SLC9A9: variants seen among roughly 807,000 people sequenced by gnomAD.
The protein encoded by SLC9A9 is sodium/hydrogen exchanger 9.
SLC9A9 carries 62 observed loss-of-function variants against 77.8 expected under a neutral mutation model. The ratio of observed to expected loss-of-function variants is 0.80; its 90% CI spans 0.65 to 0.98. SLC9A9 has a LOEUF of 0.98. Ranked by LOEUF, SLC9A9 falls within the 50% of genes least tolerant of loss-of-function variation. SLC9A9 has a pLI of 0.00. For synonymous variants in SLC9A9, 320 were observed against 283.5 expected (o/e 1.13, Z -1.29); for missense variants, 775 against 774.9 (o/e 1.00, Z 0.00).
At chr3:143,845,816 A>G (rs906966207) in intron 1 of SLC9A9, among the ~76,000 whole-genome samples, 1 of 152,224 alleles carries the variant, frequency 6.6e-6, no homozygotes, top group Non-Finnish European at 1.5e-5. Context: ...AAGAGAATAC[A>G]TATATATGCA....
chr3:143,660,230 T>G (rs534449839), intron 5 of SLC9A9, among the ~76,000 whole-genome samples: 2 of 152,226 alleles, frequency 1.3e-5, no homozygotes, highest in African/African-American at 4.8e-5. Flanking sequence ...GCAGAAAAAT[T>G]TATTAGGCTA....
At chr3:143,674,822 G>A (rs1253424365) in intron 5 of SLC9A9, among the ~76,000 whole-genome samples, 1 of 152,146 alleles carries the variant, frequency 6.6e-6, no homozygotes, top group Non-Finnish European at 1.5e-5. Flanking sequence ...TTCTACCAGT[G>A]CAATAAATGA....
At chr3:143,683,574 T>C (rs1933169544) in intron 5 of SLC9A9, among the ~76,000 whole-genome samples, 1 of 152,118 alleles carries the variant, frequency 6.6e-6, no homozygotes, top group Non-Finnish European at 1.5e-5. Context: ...GGATTGGTTA[T>C]TAGATAATAC....
intron 4 of SLC9A9, among the ~76,000 whole-genome samples, chr3:143,735,054 A>G (rs575780161): frequency 6.6e-6 from 1 of 152,346 alleles, no homozygotes; most frequent in Non-Finnish European, 1.5e-5. Context: ...AGATTCGAAC[A>G]CTTGCCGACT....
intron 14 of SLC9A9, among the ~76,000 whole-genome samples, chr3:143,270,749 G>A (rs73161649): frequency 0.091 from 13,771 of 152,148 alleles, 885 homozygotes; most frequent in East Asian, 0.27. Flanking sequence ...GAGAGGCTCA[G>A]CATACTGAAA....
At chr3:143,434,296 A>G (rs1283007058) in intron 12 of SLC9A9, among the ~76,000 whole-genome samples, 3 of 152,212 alleles carry the variant, frequency 2.0e-5, no homozygotes, top group East Asian at 1.9e-4. Context: ...TTGGTTTCCT[A>G]TATAATGTAA....
chr3:143,627,419 G>A, intron 6 of SLC9A9: 1 of 223,618 alleles, frequency 4.5e-6, no homozygotes, highest in Non-Finnish European at 9.5e-6. Flanking sequence ...ATGTTCCTCA[G>A]CCACCACCCA....
chr3:143,418,857 C>T (rs1391495092), intron 12 of SLC9A9, among the ~76,000 whole-genome samples: 2 of 152,240 alleles, frequency 1.3e-5, no homozygotes, highest in East Asian at 1.9e-4. Context: ...CATGGAGTTG[C>T]TTTCTGATTG....
chr3:143,568,318 T>A (rs2037204008), intron 8 of SLC9A9, among the ~76,000 whole-genome samples: 1 of 152,122 alleles, frequency 6.6e-6, no homozygotes. Context: ...TGGGACACGT[T>A]GATTAGAAGA....
chr3:143,732,780 C>T (rs1473117354), intron 4 of SLC9A9, among the ~76,000 whole-genome samples: 1 of 152,068 alleles, frequency 6.6e-6, no homozygotes, highest in Admixed American at 6.5e-5. Context: ...TTCTTTCTTG[C>T]AGAAAATAAT....
At chr3:143,778,432 T>C (rs1289284449) in intron 4 of SLC9A9, among the ~76,000 whole-genome samples, 1 of 152,210 alleles carries the variant, frequency 6.6e-6, no homozygotes, top group African/African-American at 2.4e-5. Flanking sequence ...TTAAAACAAA[T>C]ATCGCACAGC....
intron 4 of SLC9A9, among the ~76,000 whole-genome samples, chr3:143,758,346 A>T (rs2006998207): frequency 6.6e-6 from 1 of 152,204 alleles, no homozygotes; most frequent in African/African-American, 2.4e-5. Context: ...CTTTAGAATG[A>T]TCACATGTTA....
chr3:143,686,522 G>A (rs1229181909), intron 5 of SLC9A9, among the ~76,000 whole-genome samples: 2 of 152,052 alleles, frequency 1.3e-5, no homozygotes, highest in East Asian at 3.9e-4. Context: ...TAGACCTGAA[G>A]AAGGTGGGGA....
chr3:143,629,456 C>T (rs73867690), intron 6 of SLC9A9, among the ~76,000 whole-genome samples: 3,470 of 152,064 alleles, frequency 0.023, 139 homozygotes, highest in African/African-American at 0.079. Flanking sequence ...TTAGAGTTGC[C>T]AATATTAAAT....
At chr3:143,795,294 A>AAAAC (rs113711021) in intron 3 of SLC9A9, among the ~76,000 whole-genome samples, 20,167 of 147,812 alleles carry the variant, frequency 0.14, 1,693 homozygotes, top group South Asian at 0.27. Context: ...AAAAAAAAAA[A>AAAAC]AAAAAACCCA....
chr3:143,766,568 GA>G (rs1330187629), intron 4 of SLC9A9, among the ~76,000 whole-genome samples: 9 of 151,508 alleles, frequency 5.9e-5, no homozygotes, highest in Non-Finnish European at 8.8e-5. Context: ...GGGTAGGCTG[GA>G]AAAGTTTTTT....
intron 4 of SLC9A9, among the ~76,000 whole-genome samples, chr3:143,710,784 C>A (rs941395561): frequency 7.2e-5 from 11 of 152,214 alleles, no homozygotes; most frequent in African/African-American, 2.7e-4. Context: ...CTTGTCTAAT[C>A]TATCACTCCA....
intron 14 of SLC9A9, among the ~76,000 whole-genome samples, chr3:143,350,931 C>A (rs1343983152): frequency 6.6e-6 from 1 of 152,216 alleles, no homozygotes; most frequent in Admixed American, 6.5e-5. Context: ...AATCTACCAA[C>A]AACTGTTAAC....
At chr3:143,445,475 C>A (rs766947657) in intron 12 of SLC9A9, among the ~76,000 whole-genome samples, 1 of 152,180 alleles carries the variant, frequency 6.6e-6, no homozygotes, top group Admixed American at 6.5e-5. Flanking sequence ...GAGTTTCAAT[C>A]CTTTTGCTCC....
Sources: allele counts gnomAD v4.1 joint callset (sites outside exome capture counted in the v4.1 genomes callset), GRCh38; gene constraint gnomAD v4.1.1; transcripts MANE v1.5; gene names NCBI Gene and HGNC (gene_info 2026-07-23, HGNC 2026-07-21).